UQCC5: variants seen among roughly 807,000 people sequenced by gnomAD.
The protein encoded by UQCC5 is ubiquinol-cytochrome c reductase complex assembly factor 5, also known as UPF0640 protein C3orf78.
the UQCC5 span, among the ~76,000 whole-genome samples, chr3:52,538,391 G>A: frequency 6.6e-6 from 1 of 152,196 alleles, no homozygotes; most frequent in Admixed American, 6.5e-5. Flanking sequence ...GGCAAATCTG[G>A]GCCAGAAATT....
the UQCC5 span, among the ~76,000 whole-genome samples, chr3:52,539,701 C>T: frequency 6.6e-5 from 10 of 150,598 alleles, no homozygotes; most frequent in African/African-American, 1.5e-4. Context: ...TGTGGTGGCA[C>T]GATCTTGGCT....
At chr3:52,538,910 A>G in the UQCC5 span, among the ~76,000 whole-genome samples, 3 of 152,154 alleles carry the variant, frequency 2.0e-5, no homozygotes, top group African/African-American at 7.2e-5. Context: ...AGACTGCAGG[A>G]TATGCAAATA....
At chr3:52,537,515 C>T in the UQCC5 span, among the ~76,000 whole-genome samples, 88 of 152,306 alleles carry the variant, frequency 5.8e-4, no homozygotes, top group African/African-American at 2.0e-3. Flanking sequence ...TCTCCTGAAA[C>T]GCTATCACTT....
the UQCC5 span, chr3:52,540,442 A>G: frequency 6.5e-7 from 1 of 1,530,520 alleles, no homozygotes; most frequent in African/African-American, 1.4e-5. Flanking sequence ...TACCGTAGAA[A>G]AGCCTCAGAA....
the UQCC5 span, among the ~76,000 whole-genome samples, chr3:52,537,822 TA>T: frequency 6.6e-6 from 1 of 151,666 alleles, no homozygotes; most frequent in Admixed American, 6.6e-5. Context: ...AGCTACCAAG[TA>T]AAGTAGGACC....
At chr3:52,539,465 G>C in the UQCC5 span, among the ~76,000 whole-genome samples, 5 of 152,092 alleles carry the variant, frequency 3.3e-5, no homozygotes, top group Admixed American at 6.5e-5. Context: ...AAGGTGAAGG[G>C]TACTGGAGCT....
At chr3:52,539,090 A>G in the UQCC5 span, among the ~76,000 whole-genome samples, 4 of 151,928 alleles carry the variant, frequency 2.6e-5, no homozygotes, top group Non-Finnish European at 5.9e-5. Context: ...GGTGGGTGAA[A>G]AAGAGTCAGG....
At chr3:52,537,364 G>C in the UQCC5 span, among the ~76,000 whole-genome samples, 1 of 152,198 alleles carries the variant, frequency 6.6e-6, no homozygotes, top group African/African-American at 2.4e-5. Flanking sequence ...ATTGGCACCA[G>C]GTCTTTGGTC....
At chr3:52,538,352 A>G in the UQCC5 span, among the ~76,000 whole-genome samples, 2 of 152,238 alleles carry the variant, frequency 1.3e-5, no homozygotes, top group Non-Finnish European at 2.9e-5. Flanking sequence ...GACGAGGTAG[A>G]TATGGTTATA....
the UQCC5 span, among the ~76,000 whole-genome samples, chr3:52,538,821 A>G: frequency 7.9e-6 from 1 of 126,432 alleles, no homozygotes; most frequent in South Asian, 2.3e-4. Context: ...GGAAACCAGG[A>G]GGATTTGTTA....
chr3:52,536,637 G>T, the UQCC5 span: 155 of 1,481,526 alleles, frequency 1.0e-4, no homozygotes, highest in African/African-American at 1.1e-3. Context: ...GGCGGAGGAC[G>T]GCGCTCGCTA....
chr3:52,537,020 T>C, the UQCC5 span: 1 of 1,396,914 alleles, frequency 7.2e-7, no homozygotes, highest in Non-Finnish European at 9.7e-7. Context: ...CTCAGAGCGC[T>C]GGGCGAGTGC....
the UQCC5 span, among the ~76,000 whole-genome samples, chr3:52,539,289 T>G: frequency 5.8e-4 from 88 of 152,258 alleles, no homozygotes; most frequent in East Asian, 8.3e-3. Context: ...GAATTTTAGC[T>G]GATTTGCCAG....
chr3:52,539,880 G>A, the UQCC5 span, among the ~76,000 whole-genome samples: 4 of 152,208 alleles, frequency 2.6e-5, no homozygotes, highest in African/African-American at 9.6e-5. Context: ...CTTGTGATCC[G>A]CCTGCCTCGG....
the UQCC5 span, among the ~76,000 whole-genome samples, chr3:52,540,151 G>T: frequency 6.6e-6 from 1 of 152,218 alleles, no homozygotes; most frequent in Non-Finnish European, 1.5e-5. Flanking sequence ...GGGGGAGAAG[G>T]AAGTGAGGGA....
At chr3:52,539,271 G>GT in the UQCC5 span, among the ~76,000 whole-genome samples, 2 of 152,186 alleles carry the variant, frequency 1.3e-5, no homozygotes, top group African/African-American at 4.8e-5. Flanking sequence ...ATTGACAAGA[G>GT]TATGAAGGAA....
At chr3:52,541,193 C>G in the UQCC5 span, 1 of 152,142 alleles carries the variant, frequency 6.6e-6, no homozygotes, top group East Asian at 1.9e-4. Context: ...TAAAGCATCC[C>G]AGACTTGAGC....
the UQCC5 span, among the ~76,000 whole-genome samples, chr3:52,538,914 G>A: frequency 1.3e-5 from 2 of 152,204 alleles, no homozygotes; most frequent in African/African-American, 4.8e-5. Context: ...TGCAGGATAT[G>A]CAAATAATGA....
At chr3:52,540,639 T>C in the UQCC5 span, 1 of 588,476 alleles carries the variant, frequency 1.7e-6, no homozygotes, top group Non-Finnish European at 2.8e-6. Context: ...AGAATTTTTA[T>C]AGTTCTGTCT....
Sources: allele counts gnomAD v4.1 joint callset (sites outside exome capture counted in the v4.1 genomes callset), GRCh38; gene constraint gnomAD v4.1.1; transcripts MANE v1.5; gene names NCBI Gene and HGNC (gene_info 2026-07-23, HGNC 2026-07-21).